KIAA0319: variants seen among roughly 807,000 people sequenced by gnomAD.
The protein encoded by KIAA0319 is KIAA0319.
A neutral mutation model predicts 108.4 loss-of-function variants in KIAA0319; 83 were observed. The ratio of observed to expected loss-of-function variants is 0.77; its 90% CI spans 0.64 to 0.92. KIAA0319 has a LOEUF of 0.92. Among genes scored for constraint, KIAA0319 ranks in the 40% least tolerant of loss-of-function variants. The pLI is 0.00. For missense variants in KIAA0319, 1,195 were observed against 1,322.4 expected (o/e 0.90, Z 1.49); for synonymous variants, 484 against 510.4 (o/e 0.95, Z 0.70).
chr6:24,572,735 A>C, intron 10 of KIAA0319, 37 bp from the exon 11 acceptor site: 1 of 1,567,740 alleles, frequency 6.4e-7, no homozygotes, highest in South Asian at 1.2e-5. Flanking sequence ...AAACAAAACA[A>C]AACAAAAAAG....
At chr6:24,550,632 G>A (rs367721575) in intron 20 of KIAA0319, among the ~76,000 whole-genome samples, 159 of 152,246 alleles carry the variant, frequency 1.0e-3, no homozygotes, top group African/African-American at 3.5e-3. Context: ...ATTAGATAAC[G>A]CAGCTGCTGA....
At chr6:24,602,328 A>C (rs2127536787) in intron 1 of KIAA0319, among the ~76,000 whole-genome samples, 1 of 152,334 alleles carries the variant, frequency 6.6e-6, no homozygotes, top group East Asian at 1.9e-4. Context: ...ATGAATTCTA[A>C]CACATAAATA....
At position 24,569,900 on chromosome 6, in the gene KIAA0319, T is replaced by TC. The variant is rs1764439841; in HGVS notation, c.1991+2_1991+3insG. On this transcript the variant is annotated splice_region_variant and intron_variant, in intron 12 of 20. Transcript: ENST00000378214. ...AACCTAGCTCAGTGGCGAGACAGAC[T>TC]ACCTGACGTGCTCCCAGTGGTAGAA... is the stretch of plus-strand genomic sequence containing the variant. 1 of 1,613,894 alleles carries TC rather than the reference T, an allele frequency of 6.2e-7. No homozygotes were observed. The highest frequency in any genetic ancestry group is 1.1e-5 in the South Asian group (1 of 91,062).
intron 4 of KIAA0319, among the ~76,000 whole-genome samples, chr6:24,584,032 A>G (rs1172963410): frequency 6.6e-6 from 1 of 152,162 alleles, no homozygotes; most frequent in Non-Finnish European, 1.5e-5. Flanking sequence ...CTCCCTTGCT[A>G]TCAGCTTTTC....
chr6:24,563,462 T>C lies in KIAA0319; in HGVS notation c.2488A>G (p.Thr830Ala). The change falls in exon 16 of 21, where the codon ACA (threonine) becomes GCA (alanine). Residue 830 changes from threonine to alanine, a missense_variant. Coordinates refer to ENST00000378214, the MANE Select transcript of KIAA0319 (RefSeq NM_014809.4). Reference protein sequence around the residue: ...LTLQVGVGQLTEQRKDTLVRQ... With the variant: ...LTLQVGVGQLAEQRKDTLVRQ... ...ACAAGGGTGTCCTTCCGCTGCTCTG[T>C]CAGCTGCCCAACACCAACCTGCAGG... is the stretch of plus-strand genomic sequence containing the variant. The C allele has an allele frequency of 6.2e-7, 1 of 1,613,598 alleles. No homozygotes were observed. Among genetic ancestry groups the C allele is most frequent in the Non-Finnish European group, 8.5e-7 (1 of 1,179,938 alleles).
chr6:24,598,444 T>C, intron 2 of KIAA0319: 1 of 560,412 alleles, frequency 1.8e-6, no homozygotes, highest in Non-Finnish European at 3.4e-6. Context: ...GAATGTGGAC[T>C]GCATGTTCAA....
At chr6:24,543,799 T>C (rs1169114259), downstream of KIAA0319, among the ~76,000 whole-genome samples, 1 of 152,198 alleles carries the variant, frequency 6.6e-6, no homozygotes, top group African/African-American at 2.4e-5. Context: ...GTATACTCTC[T>C]CCAGAATCTA....
At chr6:24,540,481 TG>T (rs1760161473), downstream of KIAA0319, among the ~76,000 whole-genome samples, 3 of 152,300 alleles carry the variant, frequency 2.0e-5, no homozygotes, top group Admixed American at 2.0e-4. Flanking sequence ...CTCTTCCTGC[TG>T]CAATAAAGTC....
rs781047820 is a variant in KIAA0319 at position 24,588,724 on chromosome 6, T to A, written c.863A>T (p.Glu288Val). The change falls in exon 4 of 21, where the codon GAG (glutamate) becomes GTG (valine). Residue 288 changes from glutamate to valine, a missense_variant. Coordinates refer to ENST00000378214, the MANE Select transcript of KIAA0319 (RefSeq NM_014809.4). ...ASLELSSVTV[E>V]KSPVLTVTPG... ...GGTGACTGTGAGCACTGGGCTTTTC[T>A]CCACGGTGACTGAGCTGAGCTCCAG... The A allele has an allele frequency of 6.2e-7, 1 of 1,613,984 alleles. No individual in the cohort carries two copies. Among genetic ancestry groups the A allele is most frequent in the Non-Finnish European group, 8.5e-7 (1 of 1,179,996 alleles).
intron 1 of KIAA0319, among the ~76,000 whole-genome samples, chr6:24,603,854 G>A (rs1323601092): frequency 1.3e-5 from 2 of 152,160 alleles, no homozygotes; most frequent in Admixed American, 6.5e-5. Context: ...CTCAAATCAC[G>A]AGAGTGCCGC....
At position 24,566,661 on chromosome 6, in the gene KIAA0319, G is replaced by T. The variant is rs1763942321; in HGVS notation, c.2228C>A (p.Ser743Tyr). The change falls in exon 14 of 21, where the codon TCT becomes TAT. Residue 743 changes from serine (S) to tyrosine (Y), a missense_variant. Ser to Tyr is a moderately radical substitution (Grantham distance 144). Coordinates refer to ENST00000378214, the MANE Select transcript of KIAA0319 (RefSeq NM_014809.4). ...NNSITLDGSR[S>Y]TDDQRIVSYL... ...GGACACAATTCTTTGGTCATCAGTA[G>T]ACCTTGAACCATCCAAAGTAATGGA... The T allele has an allele frequency of 6.2e-7, 1 of 1,613,288 alleles. No individual in the cohort carries two copies. Among genetic ancestry groups the T allele is most frequent in the East Asian group, 2.2e-5 (1 of 44,812 alleles).
intron 1 of KIAA0319, among the ~76,000 whole-genome samples, chr6:24,609,011 A>G (rs142968779): frequency 6.8e-6 from 1 of 147,382 alleles, no homozygotes; most frequent in African/African-American, 2.5e-5. Context: ...CCTGTGAGCC[A>G]ACCGCTCACA....
At chr6:24,608,642 C>T (rs1771791429) in intron 1 of KIAA0319, among the ~76,000 whole-genome samples, 1 of 151,982 alleles carries the variant, frequency 6.6e-6, no homozygotes, top group Non-Finnish European at 1.5e-5. Flanking sequence ...TTAAAAATCG[C>T]ATGTCAGGCC....
chr6:24,622,136 C>T (rs999497288), intron 1 of KIAA0319, among the ~76,000 whole-genome samples: 1 of 151,950 alleles, frequency 6.6e-6, no homozygotes, highest in African/African-American at 2.4e-5. Context: ...AGTGCTCACC[C>T]GTACACCCCA....
chr6:24,547,605 TCTC>T (rs150400984), intron 20 of KIAA0319, among the ~76,000 whole-genome samples: 149 of 152,272 alleles, frequency 9.8e-4, no homozygotes, highest in African/African-American at 3.5e-3. Context: ...GAGCTTTCAG[TCTC>T]CTCCTCTATT....
In KIAA0319 at chr6:24,588,854, T is replaced by A; in HGVS notation, c.802-69A>T. The A allele has an allele frequency of 3.2e-6, 4 of 1,262,904 alleles. 1 individual carries two copies. The South Asian group carries it at 5.3e-5, about 17-fold the overall frequency. The allele number at this position is 1,262,904 out of a possible 1,614,324, so 78.2% of individuals were successfully genotyped here. A position where few individuals can be genotyped will look rare whatever the true frequency, so the allele number is the denominator to read the frequency against. On this transcript the variant is annotated intron_variant, in intron 3 of 20. Transcript: ENST00000378214. The stretch of plus-strand genomic sequence containing the variant: ...CAGTCCAACTCTTCAAGCAACTCAA[T>A]GTTACCAACCTTTTTCATAAATTAG...
chr6:24,636,410 A>G (rs1776209577), intron 1 of KIAA0319, among the ~76,000 whole-genome samples: 1 of 152,190 alleles, frequency 6.6e-6, no homozygotes. Context: ...AGAGATTTCA[A>G]TTTTTTTGCA....
intron 1 of KIAA0319, among the ~76,000 whole-genome samples, chr6:24,614,522 G>C (rs1259451760): frequency 6.6e-6 from 1 of 151,642 alleles, no homozygotes; most frequent in Non-Finnish European, 1.5e-5. Context: ...AATGTTCCTG[G>C]CATTTTACGT....
intron 13 of KIAA0319, among the ~76,000 whole-genome samples, 184 bp downstream of exon 13, chr6:24,568,597 G>A (rs1158622936): frequency 6.6e-6 from 1 of 152,162 alleles, no homozygotes; most frequent in Non-Finnish European, 1.5e-5. Context: ...GCTTGCAGAG[G>A]GCGACTGAGA....
Sources: allele counts gnomAD v4.1 joint callset (sites outside exome capture counted in the v4.1 genomes callset), GRCh38; gene constraint gnomAD v4.1.1; transcripts MANE v1.5; gene names NCBI Gene and HGNC (gene_info 2026-07-23, HGNC 2026-07-21).